Variants in SPPL2B observed in about 807,000 individuals in gnomAD.
SPPL2B encodes the protein signal peptide peptidase-like 2B.
Under a neutral mutation model 59.7 loss-of-function variants are expected in SPPL2B, and 39 were observed. That is an observed-to-expected ratio of 0.65 (90% CI 0.51 to 0.85). The LOEUF (loss-of-function observed/expected upper bound fraction) is 0.85. Ranked by LOEUF, SPPL2B falls within the 40% of genes least tolerant of loss-of-function variation. The probability of loss-of-function intolerance (pLI) is 0.00; values close to 1 mark genes in which losing one functional copy is unlikely to be tolerated. For missense variants in SPPL2B, 865 were observed against 849.0 expected (o/e 1.02, Z -0.23); for synonymous variants, 419 against 370.8 (o/e 1.13, Z -1.49).
chr19:2,339,736 G>A, intron 5 of SPPL2B, 88 bp from the exon 6 acceptor site: 2 of 1,499,644 alleles, frequency 1.3e-6, no homozygotes, highest in Non-Finnish European at 1.8e-6. Flanking sequence ...CGGGTTTTCT[G>A]CCCCGTTCCC....
chr19:2,331,200 A>C (rs188665231), intron 1 of SPPL2B, among the ~76,000 whole-genome samples: 1 of 151,646 alleles, frequency 6.6e-6, no homozygotes, highest in Admixed American at 6.6e-5. Flanking sequence ...GGAACTCCTC[A>C]GTCTTCCCAG....
intron 7 of SPPL2B, chr19:2,340,661 C>A (rs1275492795): frequency 3.5e-6 from 2 of 577,700 alleles, no homozygotes; most frequent in East Asian, 5.9e-5. Context: ...AGGGGCGCAG[C>A]GCAGGCGAGG....
Position 2,328,702 on chromosome 19 carries a change from C to CG in SPPL2B, c.-6dup. ...ATCTGCCGTTGGTTGCGGCGGGCAC[C>CG]GGCCGACATGGCGGCAGCGGTGGCG... On this transcript the variant is annotated 5_prime_UTR_variant, in exon 1 of 15. Coordinates refer to ENST00000613503, the MANE Select transcript of SPPL2B (RefSeq NM_152988.3). The CG allele has an allele frequency of 2.1e-6, 3 of 1,434,138 alleles. No individual in the cohort carries two copies. The highest frequency in any genetic ancestry group is 2.7e-6 in the Non-Finnish European group (3 of 1,104,366). 88.8% of individuals were successfully genotyped at this position (1,434,138 alleles called of 1,614,324 possible).
intron 8 of SPPL2B, chr19:2,342,041 T>C (rs2145171100): frequency 6.3e-6 from 1 of 157,960 alleles, no homozygotes; most frequent in Non-Finnish European, 1.4e-5. Context: ...GCCTCTGCTG[T>C]TAGCAGCCGC....
chr19:2,340,778 G>A (rs1968981686), intron 7 of SPPL2B, 120 bp from the exon 8 acceptor site: 8 of 623,150 alleles, frequency 1.3e-5, no homozygotes, highest in South Asian at 1.9e-5. Flanking sequence ...AGTTTAATGA[G>A]GACAACAGAG....
intron 8 of SPPL2B, chr19:2,341,651 G>C (rs779405177): frequency 3.3e-5 from 15 of 455,056 alleles, no homozygotes; most frequent in Middle Eastern, 6.5e-4. Context: ...AGGCAGCCAA[G>C]TACGCTTGGC....
chr19:2,336,646 T>C (rs1014378595), intron 2 of SPPL2B, among the ~76,000 whole-genome samples: 6 of 151,742 alleles, frequency 4.0e-5, no homozygotes, highest in African/African-American at 1.5e-4. Flanking sequence ...TGTGTGTGCG[T>C]GTGTGTGTGC....
chr19:2,340,854 C>A, intron 7 of SPPL2B, 44 bp from the exon 8 acceptor site: 1 of 1,282,534 alleles, frequency 7.8e-7, no homozygotes. Flanking sequence ...TGGGATGAGG[C>A]CGGGAGCTGG....
chr19:2,340,279 A>T (rs902363531), intron 7 of SPPL2B, 107 bp downstream of exon 7: 3 of 904,354 alleles, frequency 3.3e-6, no homozygotes, highest in Non-Finnish European at 4.9e-6. Context: ...CAGAGTCTAC[A>T]GCAGGCGCTC....
Position 2,353,315 on chromosome 19 carries a change from C to A in SPPL2B, c.*106C>A, listed in dbSNP as rs997018448. ...AGACGCCTGTCCCCCGGGACCGAGG[C>A]CTGTGCCGTCCCCACCCGCCCCAAC... On this transcript the variant is annotated 3_prime_UTR_variant, in exon 15 of 15. Transcript: ENST00000613503. 6 of 1,330,680 alleles carry A rather than the reference C, an allele frequency of 4.5e-6. No individual in the cohort carries two copies. The African/African-American group carries it at 5.9e-5, about 13-fold the overall frequency. The allele number at this position is 1,330,680 out of a possible 1,614,324, so 82.4% of individuals were successfully genotyped here. A position where few individuals can be genotyped will look rare whatever the true frequency, so the allele number is the denominator to read the frequency against.
Position 2,332,088 on chromosome 19 carries a change from C to G in SPPL2B, c.67-2514C>G, listed in dbSNP as rs73520560. ...TGGGCAGAACTGGAAAGAAAGGGCTCCTGACTCTGCCTGGGCTCTGGGGGA... is the reference window on the plus strand; with the variant it reads ...TGGGCAGAACTGGAAAGAAAGGGCTGCTGACTCTGCCTGGGCTCTGGGGGA... On this transcript the variant is annotated intron_variant, in intron 1 of 14. Coordinates refer to ENST00000613503, the MANE Select transcript of SPPL2B (RefSeq NM_152988.3). This position sits in a 1 kb window ranked among gnomAD's most constrained non-coding sequence, Gnocchi z 4.6. Among the ~76,000 whole-genome samples, 1,640 of 152,318 alleles carry G rather than the reference C, an allele frequency of 0.011. 30 individuals carry two copies. The highest frequency in any genetic ancestry group is 0.037 in the African/African-American group (1,538 of 41,554).
chr19:2,345,688 T>C (rs1362293107), intron 13 of SPPL2B, among the ~76,000 whole-genome samples: 5 of 151,524 alleles, frequency 3.3e-5, no homozygotes, highest in African/African-American at 4.9e-5. Context: ...TGCAACCCCC[T>C]CTTTCTCATT....
chr19:2,339,919 T>C lies in SPPL2B; in HGVS notation c.695T>C (p.Met232Thr). 1 of 1,569,910 alleles carries C rather than the reference T, an allele frequency of 6.4e-7. No individual in the cohort carries two copies. The highest frequency in any genetic ancestry group is 8.6e-7 in the Non-Finnish European group (1 of 1,157,340). The change falls in exon 6 of 15, where the codon ATG becomes ACG. Residue 232 changes from methionine (M) to threonine (T), a missense_variant. Coordinates refer to ENST00000613503, the MANE Select transcript of SPPL2B (RefSeq NM_152988.3). ...TPVMTCVFVV[M>T]CCSMLVLLYY... is the part of the protein sequence containing the mutation. ...GTGATGACCTGCGTGTTTGTGGTGA[T>C]GTGCTGCTCCATGCTGGTGCTGCTC...
intron 2 of SPPL2B, among the ~76,000 whole-genome samples, chr19:2,335,340 C>A (rs752915656): frequency 9.2e-6 from 1 of 108,700 alleles, no homozygotes; most frequent in African/African-American, 3.5e-5. Flanking sequence ...GCCTCATTTC[C>A]CACTGCATCC....
Position 2,353,200 on chromosome 19 carries a change from C to T in SPPL2B, c.1770C>T (p.Ala590=), listed in dbSNP as rs1970029960. The T allele has an allele frequency of 6.2e-7, 1 of 1,600,030 alleles. No homozygotes were observed. Among genetic ancestry groups the T allele is most frequent in the Non-Finnish European group, 8.5e-7 (1 of 1,177,916 alleles). The change falls in exon 15 of 15, where the codon GCC becomes GCT. Residue 590 remains alanine (A), a synonymous_variant. Coordinates refer to ENST00000613503, the MANE Select transcript of SPPL2B (RefSeq NM_152988.3). Reference sequence around the variant, plus strand: ...CGTCCCCGGTAACCCAGCCTGGCGCCTCGGCCTAGGGGAGGGGTGAGACGC... The same window carrying T: ...CGTCCCCGGTAACCCAGCCTGGCGCTTCGGCCTAGGGGAGGGGTGAGACGC... ...AQPSPVTQPG[A]SA is the part of the protein sequence containing the mutation.
At chr19:2,337,411 C>T (rs755497009) in intron 2 of SPPL2B, 32 bp from the exon 3 acceptor site, 10 of 1,549,400 alleles carry the variant, frequency 6.5e-6, no homozygotes, top group East Asian at 4.6e-5. Context: ...ACTCACATCA[C>T]GTGAGACAAC....
intron 14 of SPPL2B, 145 bp from the exon 15 acceptor site, chr19:2,352,801 C>T (rs960471711): frequency 3.4e-6 from 3 of 892,784 alleles, no homozygotes; most frequent in Non-Finnish European, 5.1e-6. Context: ...GGAGCCGGCC[C>T]CCTCCTTGGG....
chr19:2,339,902 C>A lies in SPPL2B; in HGVS notation c.678C>A (p.Thr226=). The change falls in exon 6 of 15, where the codon ACC becomes ACA. Residue 226 remains threonine (T), a synonymous_variant. Transcript: ENST00000613503. Reference sequence around the variant, plus strand: ...CGGTGGACGTGACGCCGGTGATGACCTGCGTGTTTGTGGTGATGTGCTGCT... The same window carrying A: ...CGGTGGACGTGACGCCGGTGATGACATGCGTGTTTGTGGTGATGTGCTGCT... ...DEAVDVTPVM[T]CVFVVMCCSM... 6.3e-7 allele frequency: 1 copy of A among 1,581,868 alleles called. No individual in the cohort carries two copies. Among genetic ancestry groups the A allele is most frequent in the East Asian group, 2.3e-5 (1 of 43,178 alleles).
rs762402013 is a variant in SPPL2B at position 2,334,628 on chromosome 19, C to T, written c.93C>T (p.His31=). ...AQVACEYGMV[H]VVSQAGGPEG... ...TGGCCTGTGAGTACGGCATGGTGCA[C>T]GTGGTCTCCCAGGCCGGGGGCCCCG... Residue 31 remains histidine, a synonymous_variant, in exon 2 of 15, where the codon CAC becomes CAT. Coordinates refer to ENST00000613503, the MANE Select transcript of SPPL2B (RefSeq NM_152988.3). 45 of 1,612,674 alleles carry T rather than the reference C, an allele frequency of 2.8e-5. No individual in the cohort carries two copies. In the East Asian group the frequency reaches 5.6e-4, roughly 20 times the overall value.
Sources: allele counts gnomAD v4.1 joint callset (sites outside exome capture counted in the v4.1 genomes callset), GRCh38; gene constraint gnomAD v4.1.1; non-coding constraint Gnocchi (gnomAD v3.1); transcripts MANE v1.5; gene names NCBI Gene and HGNC (gene_info 2026-07-23, HGNC 2026-07-21).